TNIK: variants seen among roughly 807,000 people sequenced by gnomAD.
The protein encoded by TNIK is TRAF2 and NCK-interacting protein kinase.
TNIK carries 49 observed loss-of-function variants against 191.3 expected under a neutral mutation model. That is an observed-to-expected ratio of 0.26 (90% CI 0.20 to 0.32). The LOEUF is 0.32. Among genes scored for constraint, TNIK ranks in the 10% least tolerant of loss-of-function variants. The pLI is 1.00. For synonymous variants in TNIK, 594 were observed against 600.9 expected, an observed-to-expected ratio of 0.99 and a Z score of 0.17; for missense variants, 1,155 against 1,702.3, an observed-to-expected ratio of 0.68 and a Z score of 5.66.
At chr3:171,372,355 A>G (rs921839025) in intron 1 of TNIK, among the ~76,000 whole-genome samples, 1 of 152,236 alleles carries the variant, frequency 6.6e-6, no homozygotes, top group African/African-American at 2.4e-5. Flanking sequence ...CCAAACTGGA[A>G]AGAATCATCA....
At position 171,359,419 on chromosome 3, in the gene TNIK, A is replaced by C. The variant is rs1714647021; in HGVS notation, c.123+10201T>G. 2.0e-5 allele frequency among the ~76,000 whole-genome samples: 3 copies of C among 152,336 alleles called. 1 individual carries two copies. The South Asian group carries it at 6.2e-4, about 32-fold the overall frequency. Reference sequence around the variant, plus strand: ...TATTATCATGATTGTTGTAACAGACATTTTGTAATTTATCTAGAAAAATTG... The same window carrying C: ...TATTATCATGATTGTTGTAACAGACCTTTTGTAATTTATCTAGAAAAATTG... On this transcript the variant is annotated intron_variant, in intron 2 of 32. Transcript: ENST00000436636.
chr3:171,093,545 A>G (rs983137224), intron 23 of TNIK, among the ~76,000 whole-genome samples: 5 of 152,220 alleles, frequency 3.3e-5, no homozygotes, highest in African/African-American at 1.2e-4. Context: ...TGTAGGAAAC[A>G]TCTAAGTTTG....
intron 18 of TNIK, among the ~76,000 whole-genome samples, chr3:171,118,129 A>G (rs572172000): frequency 0.024 from 3,596 of 152,196 alleles, 150 homozygotes; most frequent in African/African-American, 0.082. Context: ...AAAATCACAA[A>G]CATTCTTATA....
intron 16 of TNIK, among the ~76,000 whole-genome samples, chr3:171,127,445 A>G (rs1479924500): frequency 6.6e-6 from 1 of 152,072 alleles, no homozygotes; most frequent in Non-Finnish European, 1.5e-5. Flanking sequence ...AAAAATAAAA[A>G]AAACCACACC....
At chr3:171,165,279 CAAAAAAT>C (rs1384346335) in intron 10 of TNIK, among the ~76,000 whole-genome samples, 1 of 151,400 alleles carries the variant, frequency 6.6e-6, no homozygotes, top group Non-Finnish European at 1.5e-5. Context: ...GAGCCTGTCT[CAAAAAAT>C]AAAAAATAAA....
intron 9 of TNIK, among the ~76,000 whole-genome samples, chr3:171,173,945 T>C (rs1417776575): frequency 6.6e-6 from 1 of 152,004 alleles, no homozygotes; most frequent in Non-Finnish European, 1.5e-5. Context: ...TTGGGGTGCT[T>C]TGCCGATCAC....
intron 12 of TNIK, among the ~76,000 whole-genome samples, chr3:171,145,838 G>C (rs1190646131): frequency 6.9e-6 from 1 of 145,714 alleles, no homozygotes; most frequent in African/African-American, 2.6e-5. Flanking sequence ...AAGCAGAAAA[G>C]TACGCACCTA....
rs1458677115 is a variant in TNIK, at chr3:171,424,535, G to A, written c.57+35472C>T. On this transcript the variant is annotated intron_variant, in intron 1 of 32. Coordinates refer to ENST00000436636, the MANE Select transcript of TNIK (RefSeq NM_015028.4). ...GCTGTTATAAAGACACATGCACACG[G>A]ATGTTTATTGCGGCACTATTCACAA... Among the ~76,000 whole-genome samples, 9 of 152,154 alleles carry A rather than the reference G, an allele frequency of 5.9e-5. No individual in the cohort carries two copies. The East Asian group carries it at 1.5e-3, about 26-fold the overall frequency.
At chr3:171,330,619 AG>A (rs1184350975) in intron 2 of TNIK, among the ~76,000 whole-genome samples, 1 of 152,166 alleles carries the variant, frequency 6.6e-6, no homozygotes, top group Non-Finnish European at 1.5e-5. Context: ...GAGGAGGTAT[AG>A]GGGCATTTTA....
chr3:171,133,059 G>A (rs1487211719), intron 15 of TNIK, among the ~76,000 whole-genome samples: 1 of 152,198 alleles, frequency 6.6e-6, no homozygotes, highest in Admixed American at 6.5e-5. Flanking sequence ...AAAACCACAT[G>A]GGCAGATGGT....
At chr3:171,295,475 G>A (rs1053591689) in intron 2 of TNIK, among the ~76,000 whole-genome samples, 5 of 152,144 alleles carry the variant, frequency 3.3e-5, no homozygotes, top group Non-Finnish European at 5.9e-5. Context: ...GGTGCCCACT[G>A]CAGCTCCAAG....
intron 2 of TNIK, among the ~76,000 whole-genome samples, chr3:171,295,132 C>T (rs1380663823): frequency 6.6e-6 from 1 of 152,040 alleles, no homozygotes; most frequent in Non-Finnish European, 1.5e-5. Context: ...GAGTCTATGG[C>T]CACACTTCAC....
chr3:171,433,937 C>CTTTTT (rs67036993), intron 1 of TNIK, among the ~76,000 whole-genome samples: 2 of 71,152 alleles, frequency 2.8e-5, no homozygotes, highest in Non-Finnish European at 4.9e-5. Context: ...TTTCTTTTTC[C>CTTTTT]TTTTTTTTTT....
intron 23 of TNIK, among the ~76,000 whole-genome samples, chr3:171,091,550 C>T (rs145013036): frequency 5.3e-5 from 8 of 152,154 alleles, no homozygotes; most frequent in African/African-American, 1.9e-4. Context: ...TGAGACCAGC[C>T]TGGGCAACAC....
Position 171,060,764 on chromosome 3 carries a change from C to T in TNIK, c.*3117G>A, listed in dbSNP as rs1420096808. On this transcript the variant is annotated 3_prime_UTR_variant, in exon 33 of 33. Coordinates refer to ENST00000436636, the MANE Select transcript of TNIK (RefSeq NM_015028.4). ...TCCTACCACCACTGGATGCAGGAATCCATGCTACAGTATCTTTGACTGGCA... is the reference window on the plus strand; with the variant it reads ...TCCTACCACCACTGGATGCAGGAATTCATGCTACAGTATCTTTGACTGGCA... Among the ~76,000 whole-genome samples the T allele has an allele frequency of 5.9e-5, 9 of 152,214 alleles. No homozygotes were observed. Among genetic ancestry groups the T allele is most frequent in the South Asian group, 2.1e-4 (1 of 4,808 alleles).
intron 23 of TNIK, among the ~76,000 whole-genome samples, chr3:171,091,950 CTTTCTTTT>C (rs1722122211): frequency 6.7e-6 from 1 of 149,594 alleles, no homozygotes; most frequent in Non-Finnish European, 1.5e-5. Flanking sequence ...TTCTTTCTTT[CTTTCTTTT>C]TTTTTTTTTA....
At chr3:171,263,454 C>A (rs1747923045) in intron 2 of TNIK, among the ~76,000 whole-genome samples, 1 of 152,052 alleles carries the variant, frequency 6.6e-6, no homozygotes, top group South Asian at 2.1e-4. Flanking sequence ...CAGAGAGGAA[C>A]AATTTTGAGA....
At chr3:171,136,853 G>A (rs1730054901) in intron 15 of TNIK, among the ~76,000 whole-genome samples, 1 of 152,158 alleles carries the variant, frequency 6.6e-6, no homozygotes, top group South Asian at 2.1e-4. Flanking sequence ...GGTCGATGCT[G>A]TACCTGGGAG....
chr3:171,438,782 A>G (rs144333062), intron 1 of TNIK, among the ~76,000 whole-genome samples: 136 of 152,330 alleles, frequency 8.9e-4, no homozygotes, highest in African/African-American at 3.1e-3. Flanking sequence ...TCAGGTTAAC[A>G]AAAGGAAGAG....
Sources: gnomAD v4.1 joint callset for allele counts (sites outside exome capture counted in the v4.1 genomes callset) on GRCh38, gnomAD v4.1.1 for gene constraint, MANE v1.5 for transcripts, NCBI Gene and HGNC (gene_info 2026-07-23, HGNC 2026-07-21) for gene names.